The following SEMA6D variants were observed in gnomAD, a reference collection of about 807,000 sequenced individuals.
SEMA6D encodes the protein semaphorin-6D.
A neutral mutation model predicts 106.6 loss-of-function variants in SEMA6D; 35 were observed. The ratio of observed to expected loss-of-function variants is 0.33; its 90% CI spans 0.25 to 0.44. The LOEUF is 0.44. Among genes scored for constraint, SEMA6D ranks in the 20% least tolerant of loss-of-function variants. SEMA6D has a pLI of 1.00. For missense variants in SEMA6D, 1,185 were observed against 1,345.9 expected (o/e 0.88, Z 1.87); for synonymous variants, 499 against 487.7 (o/e 1.02, Z -0.31).
At chr15:47,692,421 G>A (rs573088850) in intron 4 of SEMA6D, among the ~76,000 whole-genome samples, 40 of 152,072 alleles carry the variant, frequency 2.6e-4, no homozygotes, top group Non-Finnish European at 4.6e-4. Context: ...CTGTTCTGCC[G>A]ACCTGGTAAC....
chr15:47,409,735 C>T (rs2040720362), intron 1 of SEMA6D, among the ~76,000 whole-genome samples: 1 of 152,040 alleles, frequency 6.6e-6, no homozygotes. Flanking sequence ...AAGGTTAAGA[C>T]CAGTATCCTC....
intron 3 of SEMA6D, among the ~76,000 whole-genome samples, chr15:47,530,151 G>A (rs950365733): frequency 2.0e-5 from 3 of 152,290 alleles, no homozygotes; most frequent in African/African-American, 4.8e-5. Flanking sequence ...CTCAGGCCCC[G>A]ACTCACATGG....
intron 3 of SEMA6D, among the ~76,000 whole-genome samples, chr15:47,483,868 T>A (rs1268126907): frequency 6.6e-6 from 1 of 152,110 alleles, no homozygotes; most frequent in East Asian, 1.9e-4. Flanking sequence ...TCTCTTATTG[T>A]TTCTGTTTCT....
chr15:47,315,475 C>A (rs2036629973), intron 1 of SEMA6D, among the ~76,000 whole-genome samples: 1 of 152,150 alleles, frequency 6.6e-6, no homozygotes, highest in Non-Finnish European at 1.5e-5. Flanking sequence ...TTCACCAATA[C>A]CACACTGTCT....
At chr15:47,306,958 C>A (rs1408172495) in intron 1 of SEMA6D, among the ~76,000 whole-genome samples, 1 of 152,146 alleles carries the variant, frequency 6.6e-6, no homozygotes, top group African/African-American at 2.4e-5. Context: ...TTGCTAGTGG[C>A]AGTGTATTTT....
intron 7 of SEMA6D, 115 bp downstream of exon 7, chr15:47,761,866 G>T: frequency 1.1e-6 from 1 of 903,730 alleles, no homozygotes; most frequent in Non-Finnish European, 1.7e-6. Context: ...CTAAGTGTTC[G>T]AAAGGCTAGA....
chr15:47,694,448 A>G (rs2078657722), intron 4 of SEMA6D, among the ~76,000 whole-genome samples: 1 of 151,880 alleles, frequency 6.6e-6, no homozygotes, highest in Non-Finnish European at 1.5e-5. Flanking sequence ...TTCACCTCCA[A>G]CCCACCAAAC....
chr15:47,483,339 C>T (rs1342615539), intron 3 of SEMA6D, among the ~76,000 whole-genome samples: 11 of 152,110 alleles, frequency 7.2e-5, no homozygotes, highest in Admixed American at 7.2e-4. Flanking sequence ...CAACTTGATT[C>T]ACATACTGAC....
chr15:47,463,070 AG>A (rs1388739601), intron 2 of SEMA6D, among the ~76,000 whole-genome samples: 2 of 152,164 alleles, frequency 1.3e-5, no homozygotes, highest in Non-Finnish European at 2.9e-5. Flanking sequence ...ATCTTCAGTA[AG>A]TAAATAAGAC....
At chr15:47,426,515 A>G (rs1194159469) in intron 2 of SEMA6D, among the ~76,000 whole-genome samples, 1 of 152,104 alleles carries the variant, frequency 6.6e-6, no homozygotes, top group Non-Finnish European at 1.5e-5. Context: ...GTCTTTATAT[A>G]GGGAAGGATA....
intron 1 of SEMA6D, among the ~76,000 whole-genome samples, chr15:47,384,825 T>TTTTG (rs1567042646): frequency 1.8e-4 from 20 of 113,872 alleles, no homozygotes; most frequent in East Asian, 4.4e-4. Context: ...TTTTTTTTTT[T>TTTTG]TTTTTTTTTT....
At chr15:47,633,030 C>G (rs545972634) in intron 4 of SEMA6D, among the ~76,000 whole-genome samples, 1 of 152,028 alleles carries the variant, frequency 6.6e-6, no homozygotes, top group Non-Finnish European at 1.5e-5. Flanking sequence ...ATCTTATTTT[C>G]ACTTAGGTTC....
chr15:47,217,396 A>C (rs1566932027), intron 1 of SEMA6D, among the ~76,000 whole-genome samples: 1 of 152,196 alleles, frequency 6.6e-6, no homozygotes, highest in Non-Finnish European at 1.5e-5. Flanking sequence ...TTGTAATAGC[A>C]AACAACTGGA....
In SEMA6D at chr15:47,578,212, A is replaced by G. The variant is rs975958880; in HGVS notation, c.-86-22653A>G. 3.3e-5 allele frequency among the ~76,000 whole-genome samples: 5 copies of G among 152,206 alleles called. No homozygotes were observed. In the South Asian group the frequency reaches 1.0e-3, roughly 32 times the overall value. On this transcript the variant is annotated intron_variant, in intron 3 of 19. Transcript: ENST00000558014. ...CTTAACCATCTCATTGAACTATCTC[A>G]ATTCAGCTAATGAGTCTTACATCAA...
intron 3 of SEMA6D, among the ~76,000 whole-genome samples, chr15:47,492,137 A>G (rs899392881): frequency 6.6e-6 from 1 of 152,214 alleles, no homozygotes; most frequent in Non-Finnish European, 1.5e-5. Flanking sequence ...AATCTTGGCC[A>G]TAAAGTATAA....
intron 4 of SEMA6D, among the ~76,000 whole-genome samples, chr15:47,695,215 A>G (rs1017697957): frequency 2.6e-5 from 4 of 152,190 alleles, no homozygotes; most frequent in African/African-American, 9.7e-5. Flanking sequence ...CCAAAACTGA[A>G]TTCTCGTTTT....
At chr15:47,601,482 A>C (rs373870889) in intron 4 of SEMA6D, among the ~76,000 whole-genome samples, 1 of 152,212 alleles carries the variant, frequency 6.6e-6, no homozygotes, top group Non-Finnish European at 1.5e-5. Context: ...AATGCATTTG[A>C]TGTGCACCAT....
chr15:47,461,958 G>A (rs1051599447), intron 2 of SEMA6D, among the ~76,000 whole-genome samples: 5 of 152,044 alleles, frequency 3.3e-5, no homozygotes, highest in Non-Finnish European at 7.4e-5. Context: ...ACATGAGTAA[G>A]ATAGGCCTGG....
rs74568590 is a variant in SEMA6D, at chr15:47,514,724, A to C, written c.-87+44179A>C. ...AGTCTCCTCACTGGTCTACCAATTTATCTTCCCTGGCCACAGTCTATTCTC... is the reference window on the plus strand; with the variant it reads ...AGTCTCCTCACTGGTCTACCAATTTCTCTTCCCTGGCCACAGTCTATTCTC... On this transcript the variant is annotated intron_variant, in intron 3 of 19. Coordinates refer to the SEMA6D transcript ENST00000558014. 9.0e-3 allele frequency among the ~76,000 whole-genome samples: 1,364 copies of C among 152,188 alleles called. 20 individuals are homozygous for C. Among genetic ancestry groups the C allele is most frequent in the African/African-American group, 0.031 (1,302 of 41,522 alleles).
Sources: gnomAD v4.1 joint callset for allele counts (sites outside exome capture counted in the v4.1 genomes callset) on GRCh38, gnomAD v4.1.1 for gene constraint, MANE v1.5 for transcripts, NCBI Gene and HGNC (gene_info 2026-07-23, HGNC 2026-07-21) for gene names.